CEP85L: variants seen among roughly 807,000 people sequenced by gnomAD.
The protein encoded by CEP85L is centrosomal protein of 85 kDa-like.
CEP85L carries 60 observed loss-of-function variants against 100.3 expected under a neutral mutation model. The observed-to-expected ratio is 0.60, with a 90% CI of 0.49 to 0.74. CEP85L has a LOEUF of 0.74. Ranked by LOEUF, CEP85L falls within the 30% of genes least tolerant of loss-of-function variation. The pLI is 0.00. For missense variants in CEP85L, 973 were observed against 936.2 expected, an observed-to-expected ratio of 1.04 and a Z score of -0.51; for synonymous variants, 319 against 322.7, an observed-to-expected ratio of 0.99 and a Z score of 0.12.
At position 118,461,130 on chromosome 6, in the gene CEP85L, C is replaced by T. The variant is rs1435407728; in HGVS notation, c.*4275G>A. ...AACTGAACCCAGCTTACAAAACCAC[C>T]AGTCATAGTGACTGATTATACACTG... is the stretch of plus-strand genomic sequence containing the variant. On this transcript the variant is annotated 3_prime_UTR_variant, in exon 13 of 13. Coordinates refer to ENST00000368491, the MANE Select transcript of CEP85L (RefSeq NM_001042475.3). The T allele has an allele frequency of 1.3e-5, 2 of 151,884 alleles. No individual in the cohort carries two copies. Among genetic ancestry groups the T allele is most frequent in the Non-Finnish European group, 2.9e-5 (2 of 67,968 alleles). 9.4% of individuals were successfully genotyped at this position (151,884 alleles called of 1,614,324 possible).
intron 6 of CEP85L, among the ~76,000 whole-genome samples, chr6:118,489,731 T>C (rs1774424295): frequency 6.6e-6 from 1 of 152,192 alleles, no homozygotes; most frequent in South Asian, 2.1e-4. Context: ...GGAATCTGTA[T>C]GGAGGTTCCT....
At chr6:118,652,150 A>G (rs943518436), upstream of CEP85L, among the ~76,000 whole-genome samples, 1 of 152,184 alleles carries the variant, frequency 6.6e-6, no homozygotes, top group African/African-American at 2.4e-5. Flanking sequence ...GTGCACCGGA[A>G]AAGGCCCGGG....
At chr6:118,604,235 T>C (rs1487805017) in intron 2 of CEP85L, among the ~76,000 whole-genome samples, 1 of 152,226 alleles carries the variant, frequency 6.6e-6, no homozygotes, top group African/African-American at 2.4e-5. Context: ...TAAGGTAAGA[T>C]TCTTATAACC....
rs548842560 is a variant in CEP85L at position 118,572,045 on chromosome 6, G to A, written c.233-5729C>T. Among the ~76,000 whole-genome samples, 17 of 151,894 alleles carry A rather than the reference G, an allele frequency of 1.1e-4. No individual in the cohort carries two copies. The South Asian group carries it at 1.9e-3, about 17-fold the overall frequency. On this transcript the variant is annotated intron_variant, in intron 2 of 12. Coordinates refer to ENST00000368491, the MANE Select transcript of CEP85L (RefSeq NM_001042475.3). ...CTAACTTTGTATTTTTAGTAGAGAC[G>A]GGGTTTCTCCATGTTGGTCAGGCTG...
chr6:118,650,876 C>A (rs540337237), intron 1 of CEP85L, among the ~76,000 whole-genome samples: 1 of 152,344 alleles, frequency 6.6e-6, no homozygotes, highest in Admixed American at 6.5e-5. Flanking sequence ...TCACACACCC[C>A]ACGAGTAAAA....
intron 3 of CEP85L, among the ~76,000 whole-genome samples, chr6:118,552,436 T>C (rs1288870513): frequency 4.6e-5 from 7 of 152,074 alleles, no homozygotes; most frequent in East Asian, 1.9e-4. Flanking sequence ...CAGAAGACTA[T>C]TGAGGTTCCT....
At chr6:118,692,528 T>C (rs942820790) in intron 1 of CEP85L, among the ~76,000 whole-genome samples, 1 of 152,170 alleles carries the variant, frequency 6.6e-6, no homozygotes, top group African/African-American at 2.4e-5. Flanking sequence ...TGCTCTCTCA[T>C]TGACTACTTT....
intron 3 of CEP85L, among the ~76,000 whole-genome samples, chr6:118,561,091 T>G (rs1038062129): frequency 6.6e-6 from 1 of 152,140 alleles, no homozygotes; most frequent in Admixed American, 6.5e-5. Context: ...CCATGAGAGA[T>G]ACTAGAGATG....
At chr6:118,529,080 T>C (rs186254703) in intron 3 of CEP85L, among the ~76,000 whole-genome samples, 12 of 152,340 alleles carry the variant, frequency 7.9e-5, no homozygotes, top group Admixed American at 5.2e-4. Context: ...CATTTATCTT[T>C]TGAAAGTCCT....
rs549825860 is a variant in CEP85L at position 118,565,414 on chromosome 6, A to C, written c.1020+115T>G. ...GTAACATTTCTGCCTATTAACTTGC[A>C]GGGAAAAGGAAATGCAAAACAATCT... On this transcript the variant is annotated intron_variant, in intron 3 of 12. Coordinates refer to ENST00000368491, the MANE Select transcript of CEP85L (RefSeq NM_001042475.3). The C allele has an allele frequency of 4.3e-5, 44 of 1,016,448 alleles. No homozygotes were observed. In the African/African-American group the frequency reaches 6.7e-4, roughly 16 times the overall value. The allele number at this position is 1,016,448 out of a possible 1,614,324, so 63.0% of individuals were successfully genotyped here.
intron 6 of CEP85L, among the ~76,000 whole-genome samples, chr6:118,486,235 C>G (rs918411002): frequency 6.6e-6 from 1 of 152,064 alleles, no homozygotes; most frequent in Admixed American, 6.5e-5. Flanking sequence ...CCCATACAAA[C>G]AGAGGTTACT....
At chr6:118,651,151 T>C (rs1463186625) in intron 1 of CEP85L, 46 bp downstream of exon 1, 2 of 1,465,112 alleles carry the variant, frequency 1.4e-6, no homozygotes, top group Non-Finnish European at 1.8e-6. Context: ...GGCGCCGCGG[T>C]CGGCCGTGAC....
At chr6:118,631,450 C>T (rs1039657032) in intron 2 of CEP85L, among the ~76,000 whole-genome samples, 1 of 152,208 alleles carries the variant, frequency 6.6e-6, no homozygotes. Flanking sequence ...CACAATCCAG[C>T]TACTACACTC....
chr6:118,483,647 T>C, intron 7 of CEP85L, 59 bp downstream of exon 7: 2 of 1,516,516 alleles, frequency 1.3e-6, no homozygotes, highest in Non-Finnish European at 8.9e-7. Flanking sequence ...GCCAAATTTC[T>C]AGAGTCAAGT....
chr6:118,620,596 C>CCATGATTCTG (rs1773372638), intron 2 of CEP85L, among the ~76,000 whole-genome samples: 1 of 152,188 alleles, frequency 6.6e-6, no homozygotes. Context: ...CCAGAAGCCC[C>CCATGATTCTG]CAGCCAGATG....
chr6:118,650,504 A>C (rs1194970163), intron 1 of CEP85L, among the ~76,000 whole-genome samples: 1 of 152,204 alleles, frequency 6.6e-6, no homozygotes, highest in East Asian at 1.9e-4. Flanking sequence ...GGGCCACGGA[A>C]AGCCAAACGG....
chr6:118,481,288 T>C (rs1773765102), intron 8 of CEP85L, among the ~76,000 whole-genome samples: 1 of 152,050 alleles, frequency 6.6e-6, no homozygotes, highest in African/African-American at 2.4e-5. Flanking sequence ...ATTAATATTT[T>C]CAGTCTTCAT....
chr6:118,691,022 A>C (rs535172354), intron 1 of CEP85L, among the ~76,000 whole-genome samples: 8 of 152,218 alleles, frequency 5.3e-5, no homozygotes, highest in Non-Finnish European at 1.2e-4. Flanking sequence ...AAAGAAGGAA[A>C]GAAAGAAAGA....
At chr6:118,561,167 G>A (rs930608697) in intron 3 of CEP85L, among the ~76,000 whole-genome samples, 39 of 152,090 alleles carry the variant, frequency 2.6e-4, no homozygotes, top group African/African-American at 9.2e-4. Context: ...CTTAAGTGAC[G>A]CCTCATCTAC....
Sources: gnomAD v4.1 joint callset for allele counts (sites outside exome capture counted in the v4.1 genomes callset) on GRCh38, gnomAD v4.1.1 for gene constraint, MANE v1.5 for transcripts, NCBI Gene and HGNC (gene_info 2026-07-23, HGNC 2026-07-21) for gene names.